Variants in RFX2 observed in about 807,000 individuals in gnomAD.
The protein encoded by RFX2 is DNA-binding protein RFX2.
In RFX2, 20 loss-of-function variants were observed where a neutral mutation model predicts 87.8. That is an observed-to-expected ratio of 0.23 (90% CI 0.16 to 0.33). RFX2 has a LOEUF of 0.33. Ranked by LOEUF, RFX2 falls within the 10% of genes least tolerant of loss-of-function variation. The pLI is 1.00. For synonymous variants in RFX2, 397 were observed against 431.3 expected (o/e 0.92, Z 0.98); for missense variants, 767 against 1,012.3 (o/e 0.76, Z 3.29).
chr19:6,037,263 G>A (rs554133144), intron 5 of RFX2, among the ~76,000 whole-genome samples: 3 of 145,976 alleles, frequency 2.1e-5, no homozygotes, highest in East Asian at 2.0e-4. Flanking sequence ...CAGCCTGGGC[G>A]ACAGAGAGAG....
At chr19:6,030,607 T>C (rs2086942798) in intron 5 of RFX2, among the ~76,000 whole-genome samples, 2 of 152,010 alleles carry the variant, frequency 1.3e-5, no homozygotes, top group Admixed American at 1.3e-4. Flanking sequence ...GAAGGGACAA[T>C]GGAGAGTGGC....
At chr19:6,100,928 C>A (rs1273954913) in intron 1 of RFX2, among the ~76,000 whole-genome samples, 1 of 147,756 alleles carries the variant, frequency 6.8e-6, no homozygotes, top group Non-Finnish European at 1.5e-5. Flanking sequence ...TTTTACTCAC[C>A]CGCGTCTGTC....
intron 1 of RFX2, among the ~76,000 whole-genome samples, chr19:6,055,219 T>C (rs1324117583): frequency 6.6e-6 from 1 of 152,190 alleles, no homozygotes; most frequent in Non-Finnish European, 1.5e-5. Flanking sequence ...TGTAAGTACA[T>C]GGAGCAACTA....
intron 1 of RFX2, among the ~76,000 whole-genome samples, chr19:6,106,033 G>A (rs896554726): frequency 6.6e-6 from 1 of 152,124 alleles, no homozygotes; most frequent in Admixed American, 6.5e-5. Context: ...GTTCCCTATA[G>A]GCCTGTTAGG....
chr19:6,008,951 A>G (rs2086625601), intron 9 of RFX2, among the ~76,000 whole-genome samples: 1 of 152,148 alleles, frequency 6.6e-6, no homozygotes, highest in Non-Finnish European at 1.5e-5. Flanking sequence ...AAGTGCTGGG[A>G]TGGCAGGCGT....
intron 9 of RFX2, 112 bp from the exon 10 acceptor site, chr19:6,008,336 T>G: frequency 1.9e-6 from 1 of 521,198 alleles, no homozygotes; most frequent in Non-Finnish European, 3.4e-6. Context: ...CCCCACCCCA[T>G]GCAGTCAGGG....
intron 17 of RFX2, among the ~76,000 whole-genome samples, chr19:5,995,259 A>C (rs11880463): frequency 2.6e-5 from 4 of 151,896 alleles, no homozygotes; most frequent in Non-Finnish European, 1.5e-5. Flanking sequence ...CCCGCATGGG[A>C]CAGAGACGGG....
chr19:6,028,573 A>G (rs1264738571), intron 5 of RFX2, among the ~76,000 whole-genome samples: 1 of 152,222 alleles, frequency 6.6e-6, no homozygotes, highest in African/African-American at 2.4e-5. Context: ...ATCCATGACA[A>G]TGGCAGAGTA....
intron 4 of RFX2, among the ~76,000 whole-genome samples, chr19:6,041,197 A>G (rs994858828): frequency 6.6e-6 from 1 of 151,878 alleles, no homozygotes; most frequent in Non-Finnish European, 1.5e-5. Context: ...GCCTCTGAAT[A>G]TGGGTGTGCA....
chr19:6,067,879 G>A (rs2087536151), intron 1 of RFX2: 1 of 152,184 alleles, frequency 6.6e-6, no homozygotes, highest in African/African-American at 2.4e-5. Flanking sequence ...CTCAGCGGAG[G>A]TTTGCCCTTT....
At chr19:6,038,036 T>C (rs539564220) in intron 5 of RFX2, among the ~76,000 whole-genome samples, 2 of 152,126 alleles carry the variant, frequency 1.3e-5, no homozygotes, top group Non-Finnish European at 2.9e-5. Flanking sequence ...ATGTAAAATG[T>C]AAAACTATGG....
At chr19:6,030,573 A>G (rs2086942413) in intron 5 of RFX2, among the ~76,000 whole-genome samples, 1 of 152,190 alleles carries the variant, frequency 6.6e-6, no homozygotes, top group Non-Finnish European at 1.5e-5. Flanking sequence ...CAGAAAGCAG[A>G]TTAGTGGCTG....
At position 5,999,004 on chromosome 19, in the gene RFX2, G is replaced by T. The variant is rs893147995; in HGVS notation, c.1860-1791C>A. Among the ~76,000 whole-genome samples, 1 of 152,190 alleles carries T rather than the reference G, an allele frequency of 6.6e-6. No homozygotes were observed. The highest frequency in any genetic ancestry group is 1.5e-5 in the Non-Finnish European group (1 of 68,028). The stretch of plus-strand genomic sequence containing the variant: ...GGCGTGGTGGCTCATGACTGGAATC[G>T]CAGCACTTTGGGAGGCTGAGGCAGG... On this transcript the variant is annotated intron_variant, in intron 15 of 17. Coordinates refer to ENST00000303657, the MANE Select transcript of RFX2 (RefSeq NM_000635.4). This position sits in a 1 kb window ranked among gnomAD's most constrained non-coding sequence, Gnocchi z 4.1.
At chr19:6,067,591 C>T (rs1367795664) in intron 1 of RFX2, among the ~76,000 whole-genome samples, 4 of 152,220 alleles carry the variant, frequency 2.6e-5, no homozygotes, top group Non-Finnish European at 5.9e-5. Flanking sequence ...TAAACTGAAG[C>T]TAGTGCAGCT....
intron 1 of RFX2, among the ~76,000 whole-genome samples, chr19:6,080,434 G>A (rs759548343): frequency 1.4e-4 from 22 of 152,150 alleles, no homozygotes; most frequent in Admixed American, 3.3e-4. Context: ...TGCTCTCAGG[G>A]TGCCAGTATC....
chr19:6,043,493 G>T (rs1258154255), intron 3 of RFX2, among the ~76,000 whole-genome samples: 1 of 152,240 alleles, frequency 6.6e-6, no homozygotes, highest in Non-Finnish European at 1.5e-5. Context: ...ATTCTGCAGG[G>T]CACAGTTGGC....
chr19:6,021,780 C>T lies in RFX2; in HGVS notation c.597+4383G>A, dbSNP rs2086814755. ...TTCTACTTGGAGGGCCAAGGGGAGC[C>T]CTGGAGGCTTCCAAGCAGAGCAGTG... On this transcript the variant is annotated intron_variant, in intron 6 of 17. Transcript: ENST00000303657. This position sits in a 1 kb window ranked among gnomAD's most constrained non-coding sequence, Gnocchi z 5.7. Among the ~76,000 whole-genome samples the T allele has an allele frequency of 6.6e-6, 1 of 152,154 alleles. No homozygotes were observed. Among genetic ancestry groups the T allele is most frequent in the Non-Finnish European group, 1.5e-5 (1 of 68,028 alleles).
Position 6,002,866 on chromosome 19 carries a change from C to G in RFX2, c.1505G>C (p.Gly502Ala). 6.2e-7 allele frequency: 1 copy of G among 1,606,094 alleles called. No individual in the cohort carries two copies. The highest frequency in any genetic ancestry group is 8.5e-7 in the Non-Finnish European group (1 of 1,178,100). Residue 502 changes from glycine (G) to alanine (A), a missense_variant, in exon 14 of 18, where the codon GGC (glycine) becomes GCC (alanine). This residue lies in a region of RFX2 where 621 missense variants were observed against 873.0 expected (regional missense o/e 0.71). Coordinates refer to ENST00000303657, the MANE Select transcript of RFX2 (RefSeq NM_000635.4). The surrounding 1 kb of genome is among the most constrained non-coding windows in gnomAD (Gnocchi z 6.7). Reference protein sequence around the residue: ...FPQQVIQTKVGVVSAFAQTLR... With the variant: ...FPQQVIQTKVAVVSAFAQTLR... Reference sequence around the variant, plus strand: ...CGTCTGGGCGAAGGCACTGACGACGCCCACCTGTAAGCCAGGGCTCGTGGT... The same window carrying G: ...CGTCTGGGCGAAGGCACTGACGACGGCCACCTGTAAGCCAGGGCTCGTGGT...
rs762621238 is a variant in RFX2 at position 6,026,181 on chromosome 19, G to A, written c.579C>T (p.Ser193=). 3.1e-6 allele frequency: 5 copies of A among 1,613,574 alleles called. No individual in the cohort carries two copies. In the South Asian group the frequency reaches 3.3e-5, roughly 11 times the overall value. Residue 193 remains serine (S), a synonymous_variant, in exon 6 of 18, where the codon AGC becomes AGT. Transcript: ENST00000303657. The surrounding 1 kb of genome is among the most constrained non-coding windows in gnomAD (Gnocchi z 4.5). ...CACTTACATGGCTGTTGAGTAAACCGCTTTTGTGTGATGTGATTCCTTCGC... is the reference window on the plus strand; with the variant it reads ...CACTTACATGGCTGTTGAGTAAACCACTTTTGTGTGATGTGATTCCTTCGC... ...QKSEGITSHK[S]GLLNSHLQWL...
Sources: gnomAD v4.1 joint callset for allele counts (sites outside exome capture counted in the v4.1 genomes callset) on GRCh38, gnomAD v4.1.1 for gene constraint, gnomAD v4.1.1 regional missense constraint, Gnocchi (gnomAD v3.1) non-coding constraint, MANE v1.5 for transcripts, NCBI Gene and HGNC (gene_info 2026-07-23, HGNC 2026-07-21) for gene names.